CUX1: variants seen among roughly 807,000 people sequenced by gnomAD.
The protein encoded by CUX1 is protein CASP.
In CUX1, 31 loss-of-function variants were observed where a neutral mutation model predicts 158.8. The ratio of observed to expected loss-of-function variants is 0.20; its 90% CI spans 0.15 to 0.26. CUX1 has a LOEUF of 0.26. CUX1 is among the 10% of genes least tolerant of loss of function. The pLI is 1.00. For synonymous variants in CUX1, 879 were observed against 862.1 expected (o/e 1.02, Z -0.34); for missense variants, 1,589 against 2,014.6 (o/e 0.79, Z 4.04).
chr7:102,113,262 G>A (rs564198392), intron 7 of CUX1, among the ~76,000 whole-genome samples: 3 of 152,016 alleles, frequency 2.0e-5, no homozygotes, highest in Admixed American at 6.6e-5. Context: ...TTTTTGAGAC[G>A]GAGTCTTGCT....
At chr7:102,090,296 T>C (rs201436) in intron 4 of CUX1, among the ~76,000 whole-genome samples, 92,445 of 152,008 alleles carry the variant, frequency 0.61, 30,034 homozygotes, top group African/African-American at 0.79. Context: ...ATTAGGGATA[T>C]TCAGCTTGTA....
rs918696421 is a variant in CUX1, at chr7:102,011,333, G to C, written c.142-16765G>C. 8.5e-5 allele frequency among the ~76,000 whole-genome samples: 13 copies of C among 152,064 alleles called. No individual in the cohort carries two copies. The East Asian group carries it at 2.5e-3, about 30-fold the overall frequency. ...TGTGATCCTCTGCCTGGCAGGAGCT[G>C]CTCAGCCCCTACAGCCCCTTCCCCG... On this transcript the variant is annotated intron_variant, in intron 2 of 23. Coordinates refer to ENST00000292535, the MANE Select transcript of CUX1 (RefSeq NM_181552.4).
chr7:102,133,351 C>T (rs1554497935), intron 8 of CUX1, among the ~76,000 whole-genome samples: 1 of 151,990 alleles, frequency 6.6e-6, no homozygotes, highest in Non-Finnish European at 1.5e-5. Context: ...CCTATGCCCA[C>T]ACTTACCTGC....
intron 1 of CUX1, among the ~76,000 whole-genome samples, chr7:101,832,499 C>T (rs1794154159): frequency 1.3e-5 from 2 of 152,134 alleles, no homozygotes; most frequent in Admixed American, 1.3e-4. Flanking sequence ...CAGTCAGTCC[C>T]CACAGGTTTA....
rs555127265 is a variant in CUX1 at position 102,149,113 on chromosome 7, G to A, written c.675-9447G>A. Among the ~76,000 whole-genome samples the A allele has an allele frequency of 3.9e-5, 6 of 152,078 alleles. 1 individual carries two copies. Among genetic ancestry groups the A allele is most frequent in the South Asian group, 4.2e-4 (2 of 4,808 alleles). ...TGCAGATGTGGTCACAGGATGCCTC[G>A]CAACCCCGAGAGAGCCACTGAAAAG... is the stretch of plus-strand genomic sequence containing the variant. On this transcript the variant is annotated intron_variant, in intron 8 of 23. Transcript: ENST00000292535.
intron 4 of CUX1, among the ~76,000 whole-genome samples, chr7:102,088,950 C>G (rs367555521): frequency 1.3e-5 from 2 of 152,164 alleles, no homozygotes; most frequent in Admixed American, 6.5e-5. Flanking sequence ...TCAAATACAC[C>G]CTTTCCCTCT....
chr7:101,833,306 T>C (rs1444758483), intron 1 of CUX1, among the ~76,000 whole-genome samples: 2 of 150,088 alleles, frequency 1.3e-5, no homozygotes, highest in East Asian at 2.0e-4. Flanking sequence ...ACCAATACTT[T>C]AGGAGGTCAA....
intron 1 of CUX1, among the ~76,000 whole-genome samples, chr7:101,823,161 T>C (rs1196600553): frequency 6.6e-6 from 1 of 152,002 alleles, no homozygotes; most frequent in Non-Finnish European, 1.5e-5. Context: ...GAAGTGCAGG[T>C]ACTGTGGCCA....
chr7:102,155,539 G>A (rs1563321626), intron 8 of CUX1, among the ~76,000 whole-genome samples: 1 of 151,302 alleles, frequency 6.6e-6, no homozygotes, highest in Non-Finnish European at 1.5e-5. Context: ...GTGAGACCCT[G>A]TCTCAAAAAG....
chr7:102,269,306 G>A (rs1791037230), intron 14 of CUX1, among the ~76,000 whole-genome samples: 1 of 152,044 alleles, frequency 6.6e-6, no homozygotes, highest in Non-Finnish European at 1.5e-5. Context: ...TGTGGACAGG[G>A]ATGAATATCC....
intron 8 of CUX1, among the ~76,000 whole-genome samples, chr7:102,145,580 C>A (rs1390618029): frequency 6.6e-6 from 1 of 152,088 alleles, no homozygotes; most frequent in Non-Finnish European, 1.5e-5. Flanking sequence ...ATGCTAATTT[C>A]TTTGAATTTC....
chr7:101,990,239 G>A (rs1057316440), intron 2 of CUX1, among the ~76,000 whole-genome samples: 1 of 152,044 alleles, frequency 6.6e-6, no homozygotes, highest in East Asian at 1.9e-4. Flanking sequence ...GGTAGTCCCC[G>A]TAGATGAAGT....
intron 8 of CUX1, among the ~76,000 whole-genome samples, chr7:102,132,660 A>ATTTGTTTTTC (rs2131320954): frequency 7.5e-6 from 1 of 133,194 alleles, no homozygotes; most frequent in East Asian, 2.1e-4. Context: ...CGTCATTTTA[A>ATTTGTTTTTC]TTTGTTTTTC....
chr7:102,237,161 C>T (rs1297933483), intron 22 of CUX1, among the ~76,000 whole-genome samples: 1 of 152,220 alleles, frequency 6.6e-6, no homozygotes, highest in African/African-American at 2.4e-5. Context: ...GAAGATTTAC[C>T]TTCTCAATTG....
At chr7:102,073,276 C>T (rs1296849627) in intron 4 of CUX1, among the ~76,000 whole-genome samples, 1 of 145,652 alleles carries the variant, frequency 6.9e-6, no homozygotes, top group Non-Finnish European at 1.5e-5. Context: ...CAGGTTCAAG[C>T]AATTCTCCTG....
At chr7:102,239,252 C>T (rs2132491823) in intron 22 of CUX1, 68 bp from the exon 23 acceptor site, 9 of 1,523,778 alleles carry the variant, frequency 5.9e-6, no homozygotes, top group Non-Finnish European at 7.1e-6. Flanking sequence ...GTCCCGCTAG[C>T]GGGACTGGGG....
At chr7:101,852,120 G>A (rs553623081) in intron 1 of CUX1, among the ~76,000 whole-genome samples, 69 of 151,730 alleles carry the variant, frequency 4.5e-4, no homozygotes, top group Admixed American at 1.2e-3. Context: ...GTGAGCCACC[G>A]CACCCAGCCT....
chr7:102,039,993 C>G (rs1821890791), intron 3 of CUX1, among the ~76,000 whole-genome samples: 1 of 152,194 alleles, frequency 6.6e-6, no homozygotes, highest in African/African-American at 2.4e-5. Flanking sequence ...GAGCTGCATG[C>G]AGGACGTGCT....
chr7:102,205,945 T>G (rs1360507303), intron 20 of CUX1, among the ~76,000 whole-genome samples: 1 of 152,160 alleles, frequency 6.6e-6, no homozygotes, highest in Non-Finnish European at 1.5e-5. Flanking sequence ...ACAGCCAGCT[T>G]TTAGGAACAG....
Sources: gnomAD v4.1 joint callset for allele counts (sites outside exome capture counted in the v4.1 genomes callset) on GRCh38, gnomAD v4.1.1 for gene constraint, MANE v1.5 for transcripts, NCBI Gene and HGNC (gene_info 2026-07-23, HGNC 2026-07-21) for gene names.